ZFP64: variants seen among roughly 807,000 people sequenced by gnomAD.
The protein encoded by ZFP64 is ZFP64 zinc finger protein, also known as zinc finger protein 64.
Under a neutral mutation model 51.6 loss-of-function variants are expected in ZFP64, and 14 were observed. The observed-to-expected ratio is 0.27, with a 90% CI of 0.18 to 0.42. The LOEUF is 0.42. ZFP64 is among the 10% of genes least tolerant of loss of function. ZFP64 has a pLI of 1.00. For synonymous variants in ZFP64, 375 were observed against 361.4 expected (o/e 1.04, Z -0.43); for missense variants, 754 against 906.8 (o/e 0.83, Z 2.16).
chr20:52,131,534 T>C (rs1012650608), intron 5 of ZFP64, among the ~76,000 whole-genome samples: 2 of 152,196 alleles, frequency 1.3e-5, no homozygotes, highest in African/African-American at 4.8e-5. Flanking sequence ...AAAGATATTC[T>C]ATGCCAATGG....
intron 3 of ZFP64, chr20:52,165,045 G>A (rs1161983409): frequency 5.5e-6 from 3 of 550,028 alleles, no homozygotes; most frequent in East Asian, 8.9e-5. Flanking sequence ...AAAATGTCAA[G>A]CTTATGAAAG....
intron 5 of ZFP64, among the ~76,000 whole-genome samples, chr20:52,107,660 ATT>A (rs1161449324): frequency 6.6e-6 from 1 of 152,220 alleles, no homozygotes; most frequent in Non-Finnish European, 1.5e-5. Flanking sequence ...TTCACTTAAT[ATT>A]ATTTTGCTAA....
At chr20:52,168,096 T>C (rs943738875) in intron 2 of ZFP64, among the ~76,000 whole-genome samples, 5 of 152,240 alleles carry the variant, frequency 3.3e-5, no homozygotes, top group African/African-American at 1.2e-4. Context: ...CCCAAGTTCC[T>C]GATCTCCATC....
intron 2 of ZFP64, among the ~76,000 whole-genome samples, chr20:52,173,659 T>C (rs906518393): frequency 1.3e-5 from 2 of 150,900 alleles, no homozygotes; most frequent in Non-Finnish European, 3.0e-5. Flanking sequence ...TTTTTTTTTC[T>C]TTTTTTTTGA....
At chr20:52,138,724 T>A (rs1980108227) in intron 5 of ZFP64, among the ~76,000 whole-genome samples, 2 of 152,154 alleles carry the variant, frequency 1.3e-5, no homozygotes, top group African/African-American at 2.4e-5. Context: ...AGAGATTTTT[T>A]AAATATTTCT....
At chr20:52,097,400 A>G (rs971183036) in exon 7 of ZFP64, 2 of 1,613,030 alleles carry the variant, frequency 1.2e-6, no homozygotes, top group Non-Finnish European at 8.5e-7. Context: ...TGGCGGTCCA[A>G]GTCTTTCATG....
At chr20:52,186,698 G>C (rs1466051994) in intron 2 of ZFP64, 134 bp downstream of exon 2, 3 of 1,273,874 alleles carry the variant, frequency 2.4e-6, no homozygotes, top group Admixed American at 5.5e-5. Context: ...CTTCCTGGTG[G>C]AGCTTGTTAA....
intron 5 of ZFP64, among the ~76,000 whole-genome samples, chr20:52,103,610 G>A (rs1427102505): frequency 2.6e-5 from 4 of 152,172 alleles, no homozygotes; most frequent in African/African-American, 7.2e-5. Flanking sequence ...TCAGTGCACA[G>A]ACTTTCAACT....
chr20:52,186,719 T>G (rs1464523881), intron 2 of ZFP64, 113 bp downstream of exon 2: 19 of 1,398,796 alleles, frequency 1.4e-5, no homozygotes, highest in Non-Finnish European at 1.8e-5. Flanking sequence ...AAATAATGAA[T>G]CAGCAACCCT....
intron 5 of ZFP64, among the ~76,000 whole-genome samples, chr20:52,140,745 G>C (rs1980213305): frequency 6.6e-6 from 1 of 152,158 alleles, no homozygotes; most frequent in Non-Finnish European, 1.5e-5. Context: ...GATGAAGGAG[G>C]CTACACTAAA....
chr20:52,110,818 C>T (rs1442646469), intron 5 of ZFP64: 2 of 1,598,742 alleles, frequency 1.3e-6, no homozygotes, highest in African/African-American at 1.3e-5. Flanking sequence ...GTATTTCTCA[C>T]TCAGCTCCAT....
At chr20:52,164,357 A>C (rs930172500) in intron 4 of ZFP64, among the ~76,000 whole-genome samples, 1 of 152,170 alleles carries the variant, frequency 6.6e-6, no homozygotes, top group African/African-American at 2.4e-5. Context: ...TTACACACAC[A>C]CATATGAACT....
At chr20:52,188,308 CTTT>C (rs1164512289) in intron 1 of ZFP64, among the ~76,000 whole-genome samples, 12 of 104,232 alleles carry the variant, frequency 1.2e-4, no homozygotes, top group African/African-American at 2.3e-4. Flanking sequence ...CTTTTTCTTT[CTTT>C]TTTTTTTTTT....
chr20:52,189,674 A>T (rs987638000), intron 1 of ZFP64, among the ~76,000 whole-genome samples: 4 of 151,844 alleles, frequency 2.6e-5, no homozygotes, highest in Admixed American at 2.6e-4. Context: ...GGGTTTCTTC[A>T]TGTTGGTCAG....
intron 5 of ZFP64, among the ~76,000 whole-genome samples, chr20:52,128,792 C>CA (rs1456570192): frequency 6.6e-6 from 1 of 152,192 alleles, no homozygotes; most frequent in Non-Finnish European, 1.5e-5. Context: ...AAAAGTGCCC[C>CA]AGCTTGGATG....
At chr20:52,137,280 C>T (rs1046789736) in intron 5 of ZFP64, among the ~76,000 whole-genome samples, 31 of 152,242 alleles carry the variant, frequency 2.0e-4, no homozygotes, top group Admixed American at 7.8e-4. Flanking sequence ...ACCTGACTGG[C>T]TAGAATGAGC....
At chr20:52,116,405 G>A (rs1978874320) in intron 5 of ZFP64, among the ~76,000 whole-genome samples, 1 of 151,470 alleles carries the variant, frequency 6.6e-6, no homozygotes, top group Admixed American at 6.6e-5. Flanking sequence ...CAAAGTGTTG[G>A]GATTACAGGC....
At chr20:52,146,706 G>A (rs1392698769), downstream of ZFP64, among the ~76,000 whole-genome samples, 1 of 152,064 alleles carries the variant, frequency 6.6e-6, no homozygotes, top group Non-Finnish European at 1.5e-5. Context: ...TTGTGCACAT[G>A]TACCCTAAAA....
chr20:52,158,379 G>C (rs1316483386), intron 5 of ZFP64, among the ~76,000 whole-genome samples: 1 of 152,126 alleles, frequency 6.6e-6, no homozygotes, highest in African/African-American at 2.4e-5. Context: ...AATGACGGTG[G>C]GGATAAAGGC....
Sources: allele counts gnomAD v4.1 joint callset (sites outside exome capture counted in the v4.1 genomes callset), GRCh38; gene constraint gnomAD v4.1.1; transcripts MANE v1.5; gene names NCBI Gene and HGNC (gene_info 2026-07-23, HGNC 2026-07-21).